The following NOS1AP variants were observed in gnomAD, a reference collection of about 807,000 sequenced individuals.
NOS1AP encodes nitric oxide synthase 1 adaptor protein, also known as carboxyl-terminal PDZ ligand of neuronal nitric oxide synthase protein.
NOS1AP carries 21 observed loss-of-function variants against 56.2 expected under a neutral mutation model. That is an observed-to-expected ratio of 0.37 (90% CI 0.26 to 0.54). The LOEUF is 0.54. Among genes scored for constraint, NOS1AP ranks in the 20% least tolerant of loss-of-function variants. The pLI is 0.84. For synonymous variants in NOS1AP, 270 were observed against 274.6 expected (o/e 0.98, Z 0.17); for missense variants, 522 against 657.8 (o/e 0.79, Z 2.26).
At chr1:162,214,854 A>ATATTTCTC (rs1441269372) in intron 2 of NOS1AP, among the ~76,000 whole-genome samples, 1 of 152,178 alleles carries the variant, frequency 6.6e-6, no homozygotes, top group Non-Finnish European at 1.5e-5. Context: ...TTTGTTAGTC[A>ATATTTCTC]TATTTCTCTC....
intron 1 of NOS1AP, among the ~76,000 whole-genome samples, chr1:162,111,362 C>T (rs533887973): frequency 1.3e-5 from 2 of 152,326 alleles, no homozygotes; most frequent in South Asian, 2.1e-4. Flanking sequence ...ATGGATAGAG[C>T]TCCCCACATC....
chr1:162,147,387 C>T (rs1202822403), intron 1 of NOS1AP, among the ~76,000 whole-genome samples: 2 of 150,640 alleles, frequency 1.3e-5, no homozygotes, highest in Non-Finnish European at 3.0e-5. Flanking sequence ...TCTGGAAGCA[C>T]CTGACATAAA....
chr1:162,232,658 C>A (rs991082461), intron 2 of NOS1AP, among the ~76,000 whole-genome samples: 1 of 151,966 alleles, frequency 6.6e-6, no homozygotes, highest in Non-Finnish European at 1.5e-5. Context: ...TGCTAACCTG[C>A]CTCAATTTTA....
At chr1:162,295,735 G>A (rs1466979354) in intron 3 of NOS1AP, among the ~76,000 whole-genome samples, 2 of 152,210 alleles carry the variant, frequency 1.3e-5, no homozygotes, top group African/African-American at 4.8e-5. Context: ...GTGAAGCGGG[G>A]CCTCCCTCTA....
At chr1:162,355,703 T>A (rs1326043892) in intron 7 of NOS1AP, among the ~76,000 whole-genome samples, 1 of 150,982 alleles carries the variant, frequency 6.6e-6, no homozygotes, top group East Asian at 2.0e-4. Flanking sequence ...CAGACTCCCC[T>A]GTGACTTAGC....
chr1:162,250,489 T>A (rs898084601), intron 2 of NOS1AP, among the ~76,000 whole-genome samples: 1 of 152,300 alleles, frequency 6.6e-6, no homozygotes, highest in South Asian at 2.1e-4. Context: ...GCCTATCTGG[T>A]TCCCTGTGGT....
chr1:162,323,122 C>G (rs1303949924), intron 4 of NOS1AP, among the ~76,000 whole-genome samples: 3 of 152,152 alleles, frequency 2.0e-5, no homozygotes, highest in Non-Finnish European at 4.4e-5. Context: ...AGGGTGGACC[C>G]TAAATCCAAT....
In NOS1AP at chr1:162,343,870, G is replaced by A; in HGVS notation, c.489G>A (p.Gln163=). 1.2e-6 allele frequency: 2 copies of A among 1,614,156 alleles called. No individual in the cohort carries two copies. Among genetic ancestry groups the A allele is most frequent in the Non-Finnish European group, 1.7e-6 (2 of 1,180,026 alleles). ...QAMRIVRTVG[Q]AFEVCHKLSL... ...TGAGAATCGTTCGGACGGTGGGGCA[G>A]GCCTTTGAGGTCTGCCACAAGCTGA... The change falls in exon 6 of 10, where the codon CAG becomes CAA. Residue 163 remains glutamine, a synonymous_variant. Transcript: ENST00000361897.
chr1:162,244,412 A>G (rs1306361477), intron 2 of NOS1AP, among the ~76,000 whole-genome samples: 2 of 152,196 alleles, frequency 1.3e-5, no homozygotes, highest in Admixed American at 1.3e-4. Context: ...TCCAAGTTCT[A>G]TGTGGTTTTG....
intron 1 of NOS1AP, among the ~76,000 whole-genome samples, chr1:162,110,736 TTCTG>T (rs1331801689): frequency 6.6e-6 from 1 of 152,352 alleles, no homozygotes; most frequent in African/African-American, 2.4e-5. Flanking sequence ...GAAACTTGAG[TTCTG>T]TCTAACATTT....
In NOS1AP at chr1:162,367,664, G is replaced by A. The variant is rs1658144974; in HGVS notation, c.*197G>A. The A allele has an allele frequency of 1.1e-5, 7 of 639,114 alleles. No homozygotes were observed. The South Asian group carries it at 1.4e-4, about 13-fold the overall frequency. The allele number at this position is 639,114 out of a possible 1,614,324, so 39.6% of individuals were successfully genotyped here. On this transcript the variant is annotated 3_prime_UTR_variant, in exon 10 of 10. Transcript: ENST00000361897. The surrounding 1 kb of genome is among the most constrained non-coding windows in gnomAD (Gnocchi z 6.5). ...TGGGGAAGAAATCGGATTCCCAGAG[G>A]TGAATCAGCTCCTCTCCTACTTGTG... is the stretch of plus-strand genomic sequence containing the variant.
At chr1:162,257,304 G>A (rs1261345439) in intron 2 of NOS1AP, among the ~76,000 whole-genome samples, 1 of 152,078 alleles carries the variant, frequency 6.6e-6, no homozygotes, top group Non-Finnish European at 1.5e-5. Context: ...TGTGAACAGA[G>A]ATGTGATTTT....
chr1:162,304,926 G>A (rs1403574259), intron 4 of NOS1AP, among the ~76,000 whole-genome samples: 1 of 151,918 alleles, frequency 6.6e-6, no homozygotes, highest in Non-Finnish European at 1.5e-5. Flanking sequence ...TTATTTTTCT[G>A]CCCTGAAGGG....
chr1:162,163,667 C>G (rs1022620375), intron 2 of NOS1AP, among the ~76,000 whole-genome samples: 6 of 151,934 alleles, frequency 3.9e-5, no homozygotes, highest in African/African-American at 1.5e-4. Flanking sequence ...AGCAAGTGCC[C>G]CAGGTCACCA....
rs1017598706 is a variant in NOS1AP, at chr1:162,367,985, G to C, written c.*518G>C. 5 of 158,500 alleles carry C rather than the reference G, an allele frequency of 3.2e-5. No homozygotes were observed. Among genetic ancestry groups the C allele is most frequent in the Non-Finnish European group, 7.0e-5 (5 of 71,540 alleles). 9.8% of individuals were successfully genotyped at this position (158,500 alleles called of 1,614,324 possible). A position where few individuals can be genotyped will look rare whatever the true frequency, so the allele number is the denominator to read the frequency against. ...AATTCCTTCTCCAGGCCCTTGCTGA[G>C]ATTGTAGAGATTGAGTGCTCTGGAC... is the stretch of plus-strand genomic sequence containing the variant. On this transcript the variant is annotated 3_prime_UTR_variant, in exon 10 of 10. Coordinates refer to ENST00000361897, the MANE Select transcript of NOS1AP (RefSeq NM_014697.3). This position sits in a 1 kb window ranked among gnomAD's most constrained non-coding sequence, Gnocchi z 6.5.
intron 1 of NOS1AP, among the ~76,000 whole-genome samples, chr1:162,070,502 C>T (rs1691638482): frequency 6.6e-6 from 1 of 152,216 alleles, no homozygotes; most frequent in African/African-American, 2.4e-5. Flanking sequence ...GGTATTGCCT[C>T]ACCTCCCCCT....
rs35307081 is a variant in NOS1AP, at chr1:162,098,102, CTTTTTTTTTTT to C, written c.105+27832_105+27842del. Among the ~76,000 whole-genome samples the C allele has an allele frequency of 2.1e-4, 17 of 80,588 alleles. No homozygotes were observed. The East Asian group carries it at 3.4e-3, about 16-fold the overall frequency. The allele number at this position is 80,588 out of a possible 152,430, so 52.9% of individuals were successfully genotyped here. On this transcript the variant is annotated intron_variant, in intron 1 of 9. Transcript: ENST00000361897. ...TTATAATAGTTTCTTCTCTCTTTTGCTTTTTTTTTTTTTTTTTTTTTTGAGACAGGATATTG... is the reference window on the plus strand; with the variant it reads ...TTATAATAGTTTCTTCTCTCTTTTGCTTTTTTTTTTTGAGACAGGATATTG...
At chr1:162,227,527 G>A (rs1652983935) in intron 2 of NOS1AP, among the ~76,000 whole-genome samples, 1 of 152,190 alleles carries the variant, frequency 6.6e-6, no homozygotes. Context: ...CATGCTCCTT[G>A]CAAGTTGACT....
intron 1 of NOS1AP, among the ~76,000 whole-genome samples, chr1:162,136,118 AGCAGGGTACT>A (rs1409911779): frequency 2.0e-5 from 3 of 152,144 alleles, no homozygotes; most frequent in Admixed American, 1.3e-4. Context: ...TCTTCAGAGG[AGCAGGGTACT>A]GCTATGGTGT....
Sources: gnomAD v4.1 joint callset for allele counts (sites outside exome capture counted in the v4.1 genomes callset) on GRCh38, gnomAD v4.1.1 for gene constraint, Gnocchi (gnomAD v3.1) non-coding constraint, MANE v1.5 for transcripts, NCBI Gene and HGNC (gene_info 2026-07-23, HGNC 2026-07-21) for gene names.